PLA2G4C: variants seen among roughly 807,000 people sequenced by gnomAD.
PLA2G4C encodes the protein cytosolic phospholipase A2 gamma.
Under a neutral mutation model 73.8 loss-of-function variants are expected in PLA2G4C, and 64 were observed. The ratio of observed to expected loss-of-function variants is 0.87; its 90% CI spans 0.71 to 1.07. PLA2G4C has a LOEUF of 1.07. Among genes scored for constraint, PLA2G4C ranks in the 50% least tolerant of loss-of-function variants. The pLI, the probability that PLA2G4C is intolerant of heterozygous loss-of-function variation, is 0.00. For missense variants in PLA2G4C, 622 were observed against 665.4 expected, an observed-to-expected ratio of 0.93 and a Z score of 0.72; for synonymous variants, 254 against 252.1, an observed-to-expected ratio of 1.01 and a Z score of -0.07.
chr19:48,083,382 ATTTTC>A (rs2030734049), intron 10 of PLA2G4C, among the ~76,000 whole-genome samples: 2 of 61,862 alleles, frequency 3.2e-5, no homozygotes, highest in African/African-American at 1.4e-4. Flanking sequence ...GTTGTTGTTG[ATTTTC>A]TTTTCTTTTT....
rs554305074 is a variant in PLA2G4C at position 48,073,567 on chromosome 19, A to C, written c.1006+1200T>G. Reference sequence around the variant, plus strand: ...GATGGATGGATGGCCGGTTGGGTGGATAGAGGGTGGGCGTATCAGTCCATT... The same window carrying C: ...GATGGATGGATGGCCGGTTGGGTGGCTAGAGGGTGGGCGTATCAGTCCATT... On this transcript the variant is annotated intron_variant, in intron 12 of 16. Coordinates refer to ENST00000599921, the MANE Select transcript of PLA2G4C (RefSeq NM_003706.3). Among the ~76,000 whole-genome samples the C allele has an allele frequency of 6.0e-4, 91 of 151,590 alleles. 3 individuals are homozygous for C. The South Asian group carries it at 0.018, about 31-fold the overall frequency.
At position 48,048,248 on chromosome 19, in the gene PLA2G4C, G is replaced by T; in HGVS notation, c.*95C>A. 1.2e-6 allele frequency: 1 copy of T among 849,678 alleles called. No homozygotes were observed. 52.6% of individuals were successfully genotyped at this position (849,678 alleles called of 1,614,324 possible). On this transcript the variant is annotated 3_prime_UTR_variant, in exon 17 of 17. Transcript: ENST00000599921. The stretch of plus-strand genomic sequence containing the variant: ...CAAGGTGAACTCAAGGCCATGAAGC[G>T]TGTGGCTGAAGGGAGTGAAGAACAG...
At position 48,055,389 on chromosome 19, in the gene PLA2G4C, GTATATATATA is replaced by G. The variant is rs4002927; in HGVS notation, c.1258-350_1258-341del. On this transcript the variant is annotated intron_variant, in intron 14 of 16. Transcript: ENST00000599921. ...AGATGTTGGAGACCTCATCTCTACA[GTATATATATA>G]TATATATATATTTCAATTAGCCAGG... 6.7e-4 allele frequency among the ~76,000 whole-genome samples: 89 copies of G among 132,616 alleles called. 3 individuals carry two copies. The highest frequency in any genetic ancestry group is 2.7e-3 in the African/African-American group (84 of 31,112). The allele number at this position is 132,616 out of a possible 152,430, so 87.0% of individuals were successfully genotyped here.
rs775840568 is a variant in PLA2G4C, at chr19:48,104,677, G to A, written c.168C>T (p.His56=). 3.4e-5 allele frequency: 55 copies of A among 1,613,900 alleles called. No homozygotes were observed. The highest frequency in any genetic ancestry group is 4.5e-5 in the Non-Finnish European group (53 of 1,179,912). Residue 56 remains histidine, a synonymous_variant, in exon 4 of 17, where the codon CAC becomes CAT. Coordinates refer to ENST00000599921, the MANE Select transcript of PLA2G4C (RefSeq NM_003706.3). ...CACTCAGGACCCCAAGGCAGGCAAT[G>A]TGAGCCCGCAGTCCTCCGCCTGAGC... ...VLGSGGGLRA[H]IACLGVLSEM... is the part of the protein sequence containing the mutation.
At chr19:48,049,968 C>T (rs971940000) in intron 16 of PLA2G4C, among the ~76,000 whole-genome samples, 3 of 152,180 alleles carry the variant, frequency 2.0e-5, no homozygotes, top group Non-Finnish European at 4.4e-5. Context: ...TGTCAGCAGG[C>T]TGGAGTGCAG....
rs2032135969 is a variant in PLA2G4C, at chr19:48,105,579, G to A, written c.9-135C>T. ...GGTACATGGTTTCCTTTTGGGGTGA[G>A]GAAAATATTCTGAAACTAGATAGAG... is the stretch of plus-strand genomic sequence containing the variant. On this transcript the variant is annotated intron_variant, in intron 2 of 16. Coordinates refer to ENST00000599921, the MANE Select transcript of PLA2G4C (RefSeq NM_003706.3). 9.3e-6 allele frequency: 6 copies of A among 644,368 alleles called. No homozygotes were observed. The East Asian group carries it at 1.6e-4, about 17-fold the overall frequency. The allele number at this position is 644,368 out of a possible 1,614,324, so 39.9% of individuals were successfully genotyped here. A position where few individuals can be genotyped will look rare whatever the true frequency, so the allele number is the denominator to read the frequency against.
chr19:48,068,349 T>C (rs959905622), intron 12 of PLA2G4C, among the ~76,000 whole-genome samples: 6 of 143,376 alleles, frequency 4.2e-5, no homozygotes, highest in Non-Finnish European at 7.5e-5. Context: ...TCAGGATAAC[T>C]GAGGTCATGA....
At chr19:48,059,775 T>C (rs548126438) in intron 14 of PLA2G4C, among the ~76,000 whole-genome samples, 1 of 150,386 alleles carries the variant, frequency 6.6e-6, no homozygotes, top group South Asian at 2.1e-4. Context: ...TTTTTTTTTT[T>C]TTTTTTTTTT....
At chr19:48,080,648 A>C (rs1354807170) in intron 10 of PLA2G4C, among the ~76,000 whole-genome samples, 1 of 151,938 alleles carries the variant, frequency 6.6e-6, no homozygotes, top group Admixed American at 6.6e-5. Context: ...ATCTCTACTA[A>C]AAATACAAAA....
chr19:48,058,687 G>A (rs959727238), intron 14 of PLA2G4C, among the ~76,000 whole-genome samples: 2 of 151,324 alleles, frequency 1.3e-5, no homozygotes, highest in South Asian at 2.1e-4. Flanking sequence ...GCATGGTGGC[G>A]GGCGCCTGTA....
intron 9 of PLA2G4C, among the ~76,000 whole-genome samples, chr19:48,085,470 G>A (rs2030918462): frequency 6.6e-6 from 1 of 152,164 alleles, no homozygotes. Context: ...GCAGCTAGAG[G>A]GAGGTCAAGC....
At chr19:48,069,339 C>T (rs149835683) in intron 12 of PLA2G4C, among the ~76,000 whole-genome samples, 134 of 152,194 alleles carry the variant, frequency 8.8e-4, no homozygotes, top group African/African-American at 2.8e-3. Context: ...TGGGGGAGAA[C>T]GACGCAGAAT....
At chr19:48,069,712 A>G (rs866243595) in intron 12 of PLA2G4C, among the ~76,000 whole-genome samples, 3 of 152,110 alleles carry the variant, frequency 2.0e-5, no homozygotes, top group Admixed American at 6.6e-5. Context: ...CTAGATGCTG[A>G]TTTGAATTTG....
At chr19:48,057,192 T>C (rs1967974947) in intron 14 of PLA2G4C, among the ~76,000 whole-genome samples, 1 of 152,172 alleles carries the variant, frequency 6.6e-6, no homozygotes, top group African/African-American at 2.4e-5. Flanking sequence ...TGCATAAGCA[T>C]ATGACTTCAT....
chr19:48,067,724 C>T (rs566893021), intron 13 of PLA2G4C, 67 bp downstream of exon 13: 2 of 1,068,432 alleles, frequency 1.9e-6, no homozygotes, highest in Admixed American at 1.7e-5. Flanking sequence ...AGGCCCACCC[C>T]CTTCCCCTAC....
chr19:48,103,620 T>C (rs895436944), intron 4 of PLA2G4C, among the ~76,000 whole-genome samples: 1 of 152,198 alleles, frequency 6.6e-6, no homozygotes, highest in Non-Finnish European at 1.5e-5. Context: ...GCAACAAACA[T>C]GCAGACATGA....
chr19:48,088,609 C>G (rs1036250276), intron 9 of PLA2G4C, 77 bp downstream of exon 9: 4 of 981,672 alleles, frequency 4.1e-6, no homozygotes, highest in Non-Finnish European at 6.6e-6. Flanking sequence ...TGTAATGTTC[C>G]TAGGACAATG....
chr19:48,083,557 C>T (rs1292796875), intron 10 of PLA2G4C, among the ~76,000 whole-genome samples: 6 of 150,098 alleles, frequency 4.0e-5, no homozygotes, highest in Admixed American at 1.3e-4. Flanking sequence ...AAGCGATTCT[C>T]CTGCCTCAGC....
At chr19:48,086,018 G>A (rs1030517591) in intron 9 of PLA2G4C, among the ~76,000 whole-genome samples, 3 of 152,170 alleles carry the variant, frequency 2.0e-5, no homozygotes, top group Non-Finnish European at 2.9e-5. Context: ...GTGGGTGGTC[G>A]CAGGTTGAAA....
Sources: allele counts gnomAD v4.1 joint callset (sites outside exome capture counted in the v4.1 genomes callset), GRCh38; gene constraint gnomAD v4.1.1; transcripts MANE v1.5; gene names NCBI Gene and HGNC (gene_info 2026-07-23, HGNC 2026-07-21).